Variants in CNTNAP5 observed in about 807,000 individuals in gnomAD.
CNTNAP5 encodes contactin-associated protein-like 5.
Under a neutral mutation model 150.2 loss-of-function variants are expected in CNTNAP5, and 72 were observed. That is an observed-to-expected ratio of 0.48 (90% CI 0.40 to 0.58). CNTNAP5 has a LOEUF of 0.58. Among genes scored for constraint, CNTNAP5 ranks in the 20% least tolerant of loss-of-function variants. The pLI is 0.00. For synonymous variants in CNTNAP5, 672 were observed against 619.8 expected, an observed-to-expected ratio of 1.08 and a Z score of -1.25; for missense variants, 1,636 against 1,626.2, an observed-to-expected ratio of 1.01 and a Z score of -0.10.
intron 11 of CNTNAP5, among the ~76,000 whole-genome samples, chr2:124,567,970 C>T: frequency 6.6e-6 from 1 of 151,748 alleles, no homozygotes; most frequent in South Asian, 2.1e-4. Flanking sequence ...ACATTGAGGC[C>T]CAGAAAGCTT....
At chr2:124,039,224 A>G (rs1268592187) in intron 1 of CNTNAP5, among the ~76,000 whole-genome samples, 1 of 152,196 alleles carries the variant, frequency 6.6e-6, no homozygotes, top group Non-Finnish European at 1.5e-5. Context: ...CGCTTGCATT[A>G]TCTACCTGCA....
At chr2:124,371,570 T>A (rs1250459133) in intron 3 of CNTNAP5, among the ~76,000 whole-genome samples, 2 of 152,126 alleles carry the variant, frequency 1.3e-5, no homozygotes, top group Non-Finnish European at 2.9e-5. Flanking sequence ...ATAGGCTTTA[T>A]GAGTCTTCTC....
rs573391335 is a variant in CNTNAP5, at chr2:124,887,509, T to A, written c.3437-15373T>A. On this transcript the variant is annotated intron_variant, in intron 21 of 23. Transcript: ENST00000682447. ...TTTCTTATCTGAAAACCAGGAATCA[T>A]CATAGCAACCTACCAGAGTTGCTCT... 2.0e-5 allele frequency among the ~76,000 whole-genome samples: 3 copies of A among 152,218 alleles called. No individual in the cohort carries two copies. In the East Asian group the frequency reaches 5.8e-4, roughly 29 times the overall value.
chr2:124,854,183 C>T (rs972108134), intron 19 of CNTNAP5, among the ~76,000 whole-genome samples: 5 of 152,126 alleles, frequency 3.3e-5, no homozygotes, highest in Admixed American at 6.5e-5. Context: ...ACATGTATTC[C>T]GTAGCACTGA....
At chr2:124,793,496 C>T (rs1681781004) in intron 18 of CNTNAP5, among the ~76,000 whole-genome samples, 1 of 152,116 alleles carries the variant, frequency 6.6e-6, no homozygotes. Context: ...TTGTCTTCTT[C>T]ATAGTATCTT....
intron 1 of CNTNAP5, among the ~76,000 whole-genome samples, chr2:124,060,565 G>A (rs555112836): frequency 6.6e-6 from 1 of 152,300 alleles, no homozygotes; most frequent in Non-Finnish European, 1.5e-5. Context: ...GGCCTTTATG[G>A]ACCTCCTTAG....
intron 1 of CNTNAP5, among the ~76,000 whole-genome samples, chr2:124,100,392 A>C (rs988473799): frequency 6.6e-6 from 1 of 152,128 alleles, no homozygotes; most frequent in African/African-American, 2.4e-5. Flanking sequence ...TCACAAACCT[A>C]CTTTGCTTGT....
chr2:124,763,286 T>TGTGA (rs1680997389), intron 14 of CNTNAP5, among the ~76,000 whole-genome samples: 1 of 152,126 alleles, frequency 6.6e-6, no homozygotes, highest in Non-Finnish European at 1.5e-5. Context: ...TGAGTGGAAT[T>TGTGA]TGTGATGGCT....
intron 23 of CNTNAP5, 51 bp from the exon 24 acceptor site, chr2:124,914,041 C>A (rs370013514): frequency 3.6e-6 from 5 of 1,374,146 alleles, no homozygotes; most frequent in South Asian, 1.2e-5. Context: ...CTCTCCTGAG[C>A]AGATGACTCA....
chr2:124,822,106 CT>C (rs1682504206), intron 19 of CNTNAP5, among the ~76,000 whole-genome samples: 1 of 152,106 alleles, frequency 6.6e-6, no homozygotes, highest in Admixed American at 6.6e-5. Context: ...TGACTGTCTG[CT>C]TGACTTTCAG....
chr2:124,443,286 T>C (rs148392532), intron 5 of CNTNAP5, among the ~76,000 whole-genome samples: 1,963 of 149,470 alleles, frequency 0.013, 81 homozygotes, highest in Admixed American at 0.08. Context: ...ACATCATATG[T>C]TATATTTATA....
intron 3 of CNTNAP5, among the ~76,000 whole-genome samples, chr2:124,313,067 A>G (rs1459279452): frequency 6.6e-6 from 1 of 152,198 alleles, no homozygotes; most frequent in Non-Finnish European, 1.5e-5. Context: ...CTCTGAATAG[A>G]CTGGAAATTA....
intron 7 of CNTNAP5, among the ~76,000 whole-genome samples, chr2:124,492,471 G>A (rs1694053521): frequency 6.6e-6 from 1 of 152,126 alleles, no homozygotes; most frequent in South Asian, 2.1e-4. Context: ...ACTGTTCTGA[G>A]TCCTATGGCT....
intron 1 of CNTNAP5, among the ~76,000 whole-genome samples, chr2:124,183,574 C>T (rs936618714): frequency 5.9e-5 from 9 of 152,160 alleles, no homozygotes; most frequent in South Asian, 2.1e-4. Flanking sequence ...TTAATCAATC[C>T]AATCGAACAG....
intron 1 of CNTNAP5, among the ~76,000 whole-genome samples, chr2:124,153,909 G>A (rs1006649370): frequency 7.9e-5 from 12 of 151,814 alleles, no homozygotes; most frequent in African/African-American, 2.7e-4. Flanking sequence ...CACTAAGCCG[G>A]GCCCTGGGGC....
intron 11 of CNTNAP5, among the ~76,000 whole-genome samples, chr2:124,582,270 C>T (rs1039847037): frequency 6.6e-5 from 10 of 152,070 alleles, no homozygotes; most frequent in Admixed American, 1.3e-4. Flanking sequence ...GCAGCCTCAT[C>T]GGACAGTATT....
intron 3 of CNTNAP5, among the ~76,000 whole-genome samples, chr2:124,285,277 T>A (rs801924): frequency 1.3e-5 from 2 of 151,974 alleles, no homozygotes; most frequent in Admixed American, 1.3e-4. Context: ...ACCACTTTGA[T>A]AGCTTTCCCT....
chr2:124,156,506 T>G (rs1684552081), intron 1 of CNTNAP5, among the ~76,000 whole-genome samples: 1 of 151,876 alleles, frequency 6.6e-6, no homozygotes, highest in African/African-American at 2.4e-5. Context: ...TTTATTTTTG[T>G]TTTTTTTGAT....
chr2:124,137,892 A>C (rs1428043421), intron 1 of CNTNAP5, among the ~76,000 whole-genome samples: 3 of 152,098 alleles, frequency 2.0e-5, no homozygotes, highest in Non-Finnish European at 4.4e-5. Context: ...CCAGGTTCTA[A>C]ATTCAGAAGA....
Sources: allele counts gnomAD v4.1 joint callset (sites outside exome capture counted in the v4.1 genomes callset), GRCh38; gene constraint gnomAD v4.1.1; transcripts MANE v1.5; gene names NCBI Gene and HGNC (gene_info 2026-07-23, HGNC 2026-07-21).